CAMSAP1: variants seen among roughly 807,000 people sequenced by gnomAD.
CAMSAP1 encodes the protein calmodulin regulated spectrin associated protein 1.
A neutral mutation model predicts 143.5 loss-of-function variants in CAMSAP1; 58 were observed. That is an observed-to-expected ratio of 0.40 (90% confidence interval 0.33 to 0.50). CAMSAP1 has a LOEUF of 0.50. Ranked by LOEUF, CAMSAP1 falls within the 20% of genes least tolerant of loss-of-function variation. The pLI, the probability that CAMSAP1 is intolerant of heterozygous loss-of-function variation, is 0.45. For synonymous variants in CAMSAP1, 945 were observed against 859.3 expected (o/e 1.10, Z -1.74); for missense variants, 1,969 against 2,115.7 (o/e 0.93, Z 1.36).
rs748334296 is a variant in CAMSAP1 at position 135,818,305 on chromosome 9, C to A, written c.4168+103G>T. On this transcript the variant is annotated intron_variant, in intron 13 of 16. Coordinates refer to ENST00000389532, the MANE Select transcript of CAMSAP1 (RefSeq NM_015447.4). This position sits in a 1 kb window ranked among gnomAD's most constrained non-coding sequence, Gnocchi z 7.7. Reference sequence around the variant, plus strand: ...CGGGGATAATCATCTCCACCCTTCCCGCCTCACACCACTCTTGATGACAAA... The same window carrying A: ...CGGGGATAATCATCTCCACCCTTCCAGCCTCACACCACTCTTGATGACAAA... 7.7e-7 allele frequency: 1 copy of A among 1,293,314 alleles called. No homozygotes were observed. Among genetic ancestry groups the A allele is most frequent in the South Asian group, 1.4e-5 (1 of 69,448 alleles). The allele number at this position is 1,293,314 out of a possible 1,614,324, so 80.1% of individuals were successfully genotyped here. A position where few individuals can be genotyped will look rare whatever the true frequency, so the allele number is the denominator to read the frequency against.
chr9:135,811,543 C>G lies in CAMSAP1; in HGVS notation c.4575G>C (p.Ala1525=), dbSNP rs200710413. 3.7e-6 allele frequency: 6 copies of G among 1,605,126 alleles called. No homozygotes were observed. Among genetic ancestry groups the G allele is most frequent in the South Asian group, 1.1e-5 (1 of 89,460 alleles). ...CAGTATCAGGATAGTAGCAGTAAAG[C>G]GCCCTGAACTGGCAGCCAGCATCAC... ...LFRDAGCQFR[A]LYCYYPDTEE... Residue 1525 remains alanine (A), a synonymous_variant, in exon 17 of 17, where the codon GCG becomes GCC. Coordinates refer to ENST00000389532, the MANE Select transcript of CAMSAP1 (RefSeq NM_015447.4). The surrounding 1 kb of genome is among the most constrained non-coding windows in gnomAD (Gnocchi z 4.9).
At chr9:135,874,166 A>G (rs748072271) in intron 3 of CAMSAP1, among the ~76,000 whole-genome samples, 26 of 152,178 alleles carry the variant, frequency 1.7e-4, no homozygotes, top group Admixed American at 3.3e-4. Context: ...ACAAAATTCA[A>G]TATGTATTCA....
rs1439272800 is a variant in CAMSAP1 at position 135,882,876 on chromosome 9, C to G, written c.363G>C (p.Val121=). The change falls in exon 2 of 17, where the codon GTG becomes GTC. Residue 121 remains valine, a synonymous_variant. Coordinates refer to ENST00000389532, the MANE Select transcript of CAMSAP1 (RefSeq NM_015447.4). This position sits in a 1 kb window ranked among gnomAD's most constrained non-coding sequence, Gnocchi z 4.9. The stretch of plus-strand genomic sequence containing the variant: ...TCACGGGGGTGTCATCACTCTCCAT[C>G]ACATAGATCCCTTTCCGGGACAGGG... The part of the protein sequence containing the change: ...IQALSRKGIY[V]MESDDTPVTE... The G allele has an allele frequency of 1.3e-6, 2 of 1,551,614 alleles. No homozygotes were observed. The highest frequency in any genetic ancestry group is 8.7e-7 in the Non-Finnish European group (1 of 1,146,988).
In CAMSAP1 at chr9:135,882,800, A is replaced by T. The variant is rs777466634; in HGVS notation, c.423+16T>A. On this transcript the variant is annotated intron_variant, in intron 2 of 16. Transcript: ENST00000389532. This position sits in a 1 kb window ranked among gnomAD's most constrained non-coding sequence, Gnocchi z 4.9. ...CAGAGGATGGCCCCTGGGGGCGGCC[A>T]CCGCAGACCACTCACCATTTTTATG... is the stretch of plus-strand genomic sequence containing the variant. The T allele has an allele frequency of 1.3e-6, 2 of 1,543,870 alleles. No homozygotes were observed. The highest frequency in any genetic ancestry group is 2.4e-5 in the South Asian group (2 of 83,952).
intron 1 of CAMSAP1, among the ~76,000 whole-genome samples, chr9:135,894,527 A>G (rs2131014458): frequency 6.6e-6 from 1 of 152,286 alleles, no homozygotes; most frequent in East Asian, 1.9e-4. Flanking sequence ...TGCCCAGCCT[A>G]AGGAGCTCCT....
Position 135,820,713 on chromosome 9 carries a change from A to T in CAMSAP1, c.3822+126T>A. 7.9e-7 allele frequency: 1 copy of T among 1,267,558 alleles called. No individual in the cohort carries two copies. Among genetic ancestry groups the T allele is most frequent in the Non-Finnish European group, 1.1e-6 (1 of 923,476 alleles). The allele number at this position is 1,267,558 out of a possible 1,614,324, so 78.5% of individuals were successfully genotyped here. A position where few individuals can be genotyped will look rare whatever the true frequency, so the allele number is the denominator to read the frequency against. ...CTCTGTGGCCCACAAAGCTAAACAC[A>T]CACATCCCCTGGCCTCTTACAGGAG... On this transcript the variant is annotated intron_variant, in intron 11 of 16. Transcript: ENST00000389532. This position sits in a 1 kb window ranked among gnomAD's most constrained non-coding sequence, Gnocchi z 4.4.
chr9:135,865,138 C>T, intron 4 of CAMSAP1: 1 of 575,666 alleles, frequency 1.7e-6, no homozygotes, highest in South Asian at 2.3e-5. Flanking sequence ...TTAAGAGTTC[C>T]AAAGTGCCAT....
chr9:135,821,663 T>G lies in CAMSAP1; in HGVS notation c.2998A>C (p.Lys1000Gln). 1 of 1,614,022 alleles carries G rather than the reference T, an allele frequency of 6.2e-7. No homozygotes were observed. Among genetic ancestry groups the G allele is most frequent in the Admixed American group, 1.7e-5 (1 of 60,028 alleles). Residue 1000 changes from lysine to glutamine, a missense_variant, in exon 11 of 17, where the codon AAG becomes CAG. Coordinates refer to ENST00000389532, the MANE Select transcript of CAMSAP1 (RefSeq NM_015447.4). This position sits in a 1 kb window ranked among gnomAD's most constrained non-coding sequence, Gnocchi z 4.6. ...PVALHELERNKVISAALLEDT... is the reference protein window; with the variant it reads ...PVALHELERNQVISAALLEDT... ...TCCAGGAGGGCAGCGGAGATCACCTTATTTCTCTCCAGCTCGTGCAGAGCC... is the reference window on the plus strand; with the variant it reads ...TCCAGGAGGGCAGCGGAGATCACCTGATTTCTCTCCAGCTCGTGCAGAGCC...
intron 7 of CAMSAP1, among the ~76,000 whole-genome samples, chr9:135,841,291 C>A (rs1836339382): frequency 6.6e-6 from 1 of 152,210 alleles, no homozygotes; most frequent in African/African-American, 2.4e-5. Context: ...AGCCAGACTG[C>A]CTCTCTAGAT....
At chr9:135,893,686 A>G (rs1838359360) in intron 1 of CAMSAP1, among the ~76,000 whole-genome samples, 1 of 152,212 alleles carries the variant, frequency 6.6e-6, no homozygotes, top group Non-Finnish European at 1.5e-5. Flanking sequence ...AGCTCATGAA[A>G]CCATAGTCTC....
At chr9:135,841,784 A>G (rs374082431) in intron 7 of CAMSAP1, among the ~76,000 whole-genome samples, 55 of 152,354 alleles carry the variant, frequency 3.6e-4, no homozygotes, top group African/African-American at 1.3e-3. Context: ...GAAAAGTAAC[A>G]GAAAGGAATA....
intron 3 of CAMSAP1, among the ~76,000 whole-genome samples, chr9:135,868,188 AAG>A (rs758046387): frequency 3.0e-4 from 45 of 152,360 alleles, no homozygotes; most frequent in Non-Finnish European, 4.6e-4. Context: ...AAAATGCTAA[AAG>A]AAGTTTTTTA....
intron 10 of CAMSAP1, 94 bp from the exon 11 acceptor site, chr9:135,823,354 G>T: frequency 7.4e-7 from 1 of 1,346,832 alleles, no homozygotes; most frequent in Non-Finnish European, 9.9e-7. Flanking sequence ...CACACAAAGA[G>T]AATACGCCTC....
At chr9:135,817,934 A>C (rs1220390429) in intron 14 of CAMSAP1, 43 bp downstream of exon 14, 1 of 1,560,252 alleles carries the variant, frequency 6.4e-7, no homozygotes, top group African/African-American at 1.4e-5. Flanking sequence ...GCCCCTCCGA[A>C]CGTCCTCCAG....
chr9:135,882,843 G>A lies in CAMSAP1; in HGVS notation c.396C>T (p.Ser132=), dbSNP rs1402914233. 1.1e-5 allele frequency: 17 copies of A among 1,551,220 alleles called. No individual in the cohort carries two copies. The highest frequency in any genetic ancestry group is 2.4e-5 in the East Asian group (1 of 40,912). Residue 132 remains serine, a synonymous_variant, in exon 2 of 17, where the codon TCC becomes TCT. Transcript: ENST00000389532. This position sits in a 1 kb window ranked among gnomAD's most constrained non-coding sequence, Gnocchi z 4.9. ...TTTTTATGGGTGCGCGACTGAGGTC[G>A]GACTCTGTCACGGGGGTGTCATCAC... The part of the protein sequence containing the change: ...MESDDTPVTE[S]DLSRAPIKMS...
rs1837748008 is a variant in CAMSAP1, at chr9:135,876,355, A to G, written c.585+5278T>C. Reference sequence around the variant, plus strand: ...ATCTGACAAGGCCCTTGATTCCCAAATACATACATTTCTAAAAACTCTTGC... The same window carrying G: ...ATCTGACAAGGCCCTTGATTCCCAAGTACATACATTTCTAAAAACTCTTGC... On this transcript the variant is annotated intron_variant, in intron 3 of 16. Coordinates refer to ENST00000389532, the MANE Select transcript of CAMSAP1 (RefSeq NM_015447.4). Among the ~76,000 whole-genome samples, 3 of 152,240 alleles carry G rather than the reference A, an allele frequency of 2.0e-5. 1 individual carries two copies. The South Asian group carries it at 6.2e-4, about 32-fold the overall frequency.
chr9:135,860,262 T>C (rs1837134557), intron 5 of CAMSAP1, among the ~76,000 whole-genome samples: 1 of 148,436 alleles, frequency 6.7e-6, no homozygotes, highest in Non-Finnish European at 1.5e-5. Flanking sequence ...ATAAAAAGCA[T>C]CCAGAACTCA....
At chr9:135,896,681 G>C (rs966055819) in intron 1 of CAMSAP1, among the ~76,000 whole-genome samples, 1 of 152,144 alleles carries the variant, frequency 6.6e-6, no homozygotes, top group Non-Finnish European at 1.5e-5. Flanking sequence ...AAATCATATG[G>C]GAAATACATA....
rs759626345 is a variant in CAMSAP1, at chr9:135,822,371, A to G, written c.2290T>C (p.Tyr764His). ...GEAHPVVFSRYIGEEESAKLQ... is the reference protein window; with the variant it reads ...GEAHPVVFSRHIGEEESAKLQ... Reference sequence around the variant, plus strand: ...TTGGCCGACTCTTCCTCCCCAATGTATCTGCTGAAAACCACAGGATGGGCC... The same window carrying G: ...TTGGCCGACTCTTCCTCCCCAATGTGTCTGCTGAAAACCACAGGATGGGCC... Residue 764 changes from tyrosine to histidine, a missense_variant, in exon 11 of 17, where the codon TAC becomes CAC. Physicochemically the swap from Tyr to His is moderately conservative, Grantham distance 83. Transcript: ENST00000389532. This position sits in a 1 kb window ranked among gnomAD's most constrained non-coding sequence, Gnocchi z 6.1. 5 of 1,613,730 alleles carry G rather than the reference A, an allele frequency of 3.1e-6. No homozygotes were observed. The highest frequency in any genetic ancestry group is 1.3e-5 in the African/African-American group (1 of 74,878).
Sources: allele counts gnomAD v4.1 joint callset (sites outside exome capture counted in the v4.1 genomes callset), GRCh38; gene constraint gnomAD v4.1.1; non-coding constraint Gnocchi (gnomAD v3.1); transcripts MANE v1.5; gene names NCBI Gene and HGNC (gene_info 2026-07-23, HGNC 2026-07-21).